The following YBX2 variants were observed in gnomAD, a reference collection of about 807,000 sequenced individuals.
YBX2 encodes Y-box-binding protein 2.
Under a neutral mutation model 44.4 loss-of-function variants are expected in YBX2, and 5 were observed. The observed-to-expected ratio is 0.11, with a 90% CI of 0.06 to 0.24. The LOEUF is 0.24. YBX2 is among the 10% of genes least tolerant of loss of function. The probability of loss-of-function intolerance (pLI) is 1.00; values close to 1 mark genes in which losing one functional copy is unlikely to be tolerated. For synonymous variants in YBX2, 188 were observed against 216.1 expected, an observed-to-expected ratio of 0.87 and a Z score of 1.14; for missense variants, 417 against 526.9, an observed-to-expected ratio of 0.79 and a Z score of 2.04.
At chr17:7,289,836 C>T (rs1255899253) in intron 6 of YBX2, 111 bp from the exon 7 acceptor site, 2 of 1,587,146 alleles carry the variant, frequency 1.3e-6, no homozygotes, top group South Asian at 1.1e-5. Context: ...ATGAGCACTG[C>T]CTCCCCGCAA....
chr17:7,288,492 G>A lies in YBX2; in HGVS notation c.*191C>T, dbSNP rs977801497. 40 of 371,540 alleles carry A rather than the reference G, an allele frequency of 1.1e-4. No homozygotes were observed. The highest frequency in any genetic ancestry group is 7.0e-4 in the African/African-American group (34 of 48,250). The allele number at this position is 371,540 out of a possible 1,614,324, so 23.0% of individuals were successfully genotyped here. On this transcript the variant is annotated 3_prime_UTR_variant, in exon 9 of 9. Coordinates refer to ENST00000007699, the MANE Select transcript of YBX2 (RefSeq NM_015982.4). ...TCCTTCAACCCTTGATAAGGGGAGGGAAGAAAAAAGAAAAAGCAAAAGGCT... is the reference window on the plus strand; with the variant it reads ...TCCTTCAACCCTTGATAAGGGGAGGAAAGAAAAAAGAAAAAGCAAAAGGCT...
At position 7,291,334 on chromosome 17, in the gene YBX2, G is replaced by A; in HGVS notation, c.370-152C>T. ...GCAAGGAGGTGGTCAAAGTTTAGCA[G>A]GGGAAAAGTCCTGAACTCAGGGCCT... On this transcript the variant is annotated intron_variant, in intron 3 of 8. Coordinates refer to ENST00000007699, the MANE Select transcript of YBX2 (RefSeq NM_015982.4). This position sits in a 1 kb window ranked among gnomAD's most constrained non-coding sequence, Gnocchi z 5.8. 1.3e-6 allele frequency: 1 copy of A among 759,290 alleles called. No homozygotes were observed. The highest frequency in any genetic ancestry group is 2.0e-5 in the Admixed American group (1 of 48,934). The allele number at this position is 759,290 out of a possible 1,614,324, so 47.0% of individuals were successfully genotyped here. A position where few individuals can be genotyped will look rare whatever the true frequency, so the allele number is the denominator to read the frequency against.
Position 7,291,268 on chromosome 17 carries a change from T to G in YBX2, c.370-86A>C. ...TGCTGGGGCCACCACCCAATTTCAT[T>G]CTTTCAACATTTGACTTGGGGTCTA... On this transcript the variant is annotated intron_variant, in intron 3 of 8. Coordinates refer to ENST00000007699, the MANE Select transcript of YBX2 (RefSeq NM_015982.4). The surrounding 1 kb of genome is among the most constrained non-coding windows in gnomAD (Gnocchi z 5.8). 7.5e-7 allele frequency: 1 copy of G among 1,331,726 alleles called. No homozygotes were observed. Among genetic ancestry groups the G allele is most frequent in the Non-Finnish European group, 1.1e-6 (1 of 932,116 alleles). 82.5% of individuals were successfully genotyped at this position (1,331,726 alleles called of 1,614,324 possible).
In YBX2 at chr17:7,294,262, G is replaced by A; in HGVS notation, c.239C>T (p.Pro80Leu). ...CGGCTTGTCCGCCTGACTCCGGGCC[G>A]GGGGGGCGGGGGTTCCCGAGACCGC... ...ATAVSGTPAP[P>L]ARSQADKPVL... The change falls in exon 1 of 9, where the codon CCG (proline) becomes CTG (leucine). Residue 80 changes from proline (P) to leucine (L), a missense_variant. Physicochemically the swap from Pro to Leu is moderately conservative, Grantham distance 98. Around this residue, in one of 3 missense-constraint regions of YBX2, gnomAD observed 121 missense variants for 141.3 expected, o/e 0.86. Coordinates refer to ENST00000007699, the MANE Select transcript of YBX2 (RefSeq NM_015982.4). This position sits in a 1 kb window ranked among gnomAD's most constrained non-coding sequence, Gnocchi z 4.6. 7.9e-7 allele frequency: 1 copy of A among 1,269,536 alleles called. No individual in the cohort carries two copies. The allele number at this position is 1,269,536 out of a possible 1,614,324, so 78.6% of individuals were successfully genotyped here.
intron 5 of YBX2, 86 bp downstream of exon 5, chr17:7,290,165 T>C (rs555945765): frequency 6.2e-7 from 1 of 1,611,622 alleles, no homozygotes; most frequent in African/African-American, 1.3e-5. Context: ...AGTTCCTCCT[T>C]CTTTGGGGAC....
At position 7,290,588 on chromosome 17, in the gene YBX2, T is replaced by C. The variant is rs2072494919; in HGVS notation, c.460-53A>G. 3.8e-6 allele frequency: 6 copies of C among 1,585,932 alleles called. No individual in the cohort carries two copies. In the East Asian group the frequency reaches 1.1e-4, roughly 30 times the overall value. ...AACCTGCTCCAACAGCCAATGTGCA[T>C]TTCCCAACTTGCTTCCCCTTCTTTC... On this transcript the variant is annotated intron_variant, in intron 4 of 8. Coordinates refer to ENST00000007699, the MANE Select transcript of YBX2 (RefSeq NM_015982.4).
At chr17:7,292,173 C>A in intron 2 of YBX2, 114 bp from the exon 3 acceptor site, 1 of 1,237,456 alleles carries the variant, frequency 8.1e-7, no homozygotes. Flanking sequence ...CTCCAGCATT[C>A]CAGTTAGGGG....
At position 7,290,021 on chromosome 17, in the gene YBX2, T is replaced by C. The variant is rs1313657754; in HGVS notation, c.795A>G (p.Gln265=). Residue 265 remains glutamine, a synonymous_variant, in exon 6 of 9, where the codon CAA becomes CAG. Transcript: ENST00000007699. The part of the protein sequence containing the change: ...PKETAPLEGH[Q]QQGDERVPPP... ...GGGGGACTCGCTCATCTCCCTGCTG[T>C]TGGTGCCCCTCCAATGGGGCTGTCT... 3 of 1,614,136 alleles carry C rather than the reference T, an allele frequency of 1.9e-6. No homozygotes were observed. Among genetic ancestry groups the C allele is most frequent in the African/African-American group, 1.3e-5 (1 of 74,960 alleles).
intron 7 of YBX2, 130 bp downstream of exon 7, chr17:7,289,400 G>T: frequency 7.1e-7 from 1 of 1,406,374 alleles, no homozygotes; most frequent in Non-Finnish European, 9.5e-7. Flanking sequence ...AGGCTGCATG[G>T]AAGAGGGTGG....
chr17:7,290,285 C>T lies in YBX2; in HGVS notation c.710G>A (p.Gly237Asp), dbSNP rs140175313. The change falls in exon 5 of 9, where the codon GGC becomes GAC. Residue 237 changes from glycine to aspartate, a missense_variant. By Grantham distance (94) the Gly-to-Asp change is moderately conservative. Coordinates refer to ENST00000007699, the MANE Select transcript of YBX2 (RefSeq NM_015982.4). ...CTGCTGCTGGTTGGGAGGCCGGGGG[C>T]CTCGCACAAACCGCCGTCGGTAGAA... ...PFFYRRRFVR[G>D]PRPPNQQQPI... 6 of 1,613,138 alleles carry T rather than the reference C, an allele frequency of 3.7e-6. No individual in the cohort carries two copies. In the African/African-American group the frequency reaches 8.0e-5, roughly 22 times the overall value.
chr17:7,289,990 T>C lies in YBX2; in HGVS notation c.826A>G (p.Arg276Gly). ...TACCTTCGGTACCTGGGCCGGAATC[T>C]GGGCGGGGGGACTCGCTCATCTCCC... ...QQGDERVPPP[R>G]FRPRYRRPFR... is the part of the protein sequence containing the mutation. Residue 276 changes from arginine to glycine, a missense_variant, in exon 6 of 9, where the codon AGA becomes GGA. Physicochemically the swap from Arg to Gly is moderately radical, Grantham distance 125. Coordinates refer to ENST00000007699, the MANE Select transcript of YBX2 (RefSeq NM_015982.4). 6.2e-7 allele frequency: 1 copy of C among 1,614,236 alleles called. No individual in the cohort carries two copies. Among genetic ancestry groups the C allele is most frequent in the Non-Finnish European group, 8.5e-7 (1 of 1,180,032 alleles).
intron 2 of YBX2, chr17:7,293,131 G>A (rs2072513755): frequency 2.8e-6 from 1 of 355,634 alleles, no homozygotes; most frequent in South Asian, 2.7e-5. Flanking sequence ...TCCAGCCGGG[G>A]GCCCTGAGGC....
At chr17:7,293,154 A>G (rs2072513938) in intron 2 of YBX2, 1 of 430,826 alleles carries the variant, frequency 2.3e-6, no homozygotes, top group Admixed American at 3.5e-5. Flanking sequence ...AGAGAACCCT[A>G]TAATACATTC....
At position 7,291,887 on chromosome 17, in the gene YBX2, G is replaced by T; in HGVS notation, c.369+139C>A. 9.2e-7 allele frequency: 1 copy of T among 1,088,212 alleles called. No homozygotes were observed. Among genetic ancestry groups the T allele is most frequent in the Non-Finnish European group, 1.4e-6 (1 of 714,686 alleles). The allele number at this position is 1,088,212 out of a possible 1,614,324, so 67.4% of individuals were successfully genotyped here. ...CCCAGCACAAGTGCGGCTAATGGTG[G>T]TTGACACAGGCACCCAAGGCGGATG... is the stretch of plus-strand genomic sequence containing the variant. On this transcript the variant is annotated intron_variant, in intron 3 of 8. Coordinates refer to ENST00000007699, the MANE Select transcript of YBX2 (RefSeq NM_015982.4). The surrounding 1 kb of genome is among the most constrained non-coding windows in gnomAD (Gnocchi z 5.8).
At position 7,288,611 on chromosome 17, in the gene YBX2, G is replaced by T; in HGVS notation, c.*72C>A. ...GAAAGGGGGAGCAGGGTACTGGGTA[G>T]GGTACAGGTCATTTGGAAAAACTGG... On this transcript the variant is annotated 3_prime_UTR_variant, in exon 9 of 9. Transcript: ENST00000007699. 1 of 667,536 alleles carries T rather than the reference G, an allele frequency of 1.5e-6. No individual in the cohort carries two copies. Among genetic ancestry groups the T allele is most frequent in the Non-Finnish European group, 2.6e-6 (1 of 377,386 alleles). The allele number at this position is 667,536 out of a possible 1,614,324, so 41.4% of individuals were successfully genotyped here.
In YBX2 at chr17:7,294,171, C is replaced by G. The variant is rs937767641; in HGVS notation, c.271+59G>C. On this transcript the variant is annotated intron_variant, in intron 1 of 8. Coordinates refer to ENST00000007699, the MANE Select transcript of YBX2 (RefSeq NM_015982.4). The surrounding 1 kb of genome is among the most constrained non-coding windows in gnomAD (Gnocchi z 4.6). Reference sequence around the variant, plus strand: ...TTTCCGGATCCTGCCGGGCTCCACACTGCCCCTCCCCCAGCCCGCCGACCC... The same window carrying G: ...TTTCCGGATCCTGCCGGGCTCCACAGTGCCCCTCCCCCAGCCCGCCGACCC... 2 of 1,243,216 alleles carry G rather than the reference C, an allele frequency of 1.6e-6. No individual in the cohort carries two copies. The allele number at this position is 1,243,216 out of a possible 1,614,324, so 77.0% of individuals were successfully genotyped here.
chr17:7,290,974 C>T (rs777897461), intron 4 of YBX2, 119 bp downstream of exon 4: 1 of 979,348 alleles, frequency 1.0e-6, no homozygotes, highest in Non-Finnish European at 1.7e-6. Context: ...TGAGAGAACA[C>T]AGTCCCATTC....
Position 7,289,570 on chromosome 17 carries a change from G to C in YBX2, c.1004C>G (p.Pro335Arg), listed in dbSNP as rs772924252. Residue 335 changes from proline to arginine, a missense_variant, in exon 7 of 9, where the codon CCC (proline) becomes CGC (arginine). Around this residue, in one of 3 missense-constraint regions of YBX2, gnomAD observed 257 missense variants for 261.7 expected, o/e 0.98. Coordinates refer to ENST00000007699, the MANE Select transcript of YBX2 (RefSeq NM_015982.4). ...CTGCCGGGGGCCAGGGGCCTGCTGG[G>C]GGCCAGGGGCCTGCTGCCGTCTCCG... ...FQRRRQQAPG[P>R]QQAPGPRQPA... The C allele has an allele frequency of 6.2e-7, 1 of 1,610,122 alleles. No individual in the cohort carries two copies. Among genetic ancestry groups the C allele is most frequent in the South Asian group, 1.1e-5 (1 of 90,846 alleles).
In YBX2 at chr17:7,294,566, A is replaced by G; in HGVS notation, c.-66T>C. The G allele has an allele frequency of 7.6e-7, 1 of 1,312,582 alleles. No individual in the cohort carries two copies. The highest frequency in any genetic ancestry group is 9.7e-7 in the Non-Finnish European group (1 of 1,034,438). 81.3% of individuals were successfully genotyped at this position (1,312,582 alleles called of 1,614,324 possible). A position where few individuals can be genotyped will look rare whatever the true frequency, so the allele number is the denominator to read the frequency against. ...GCCCCTCCCCCCGGCTCGCGAACCC[A>G]CCGCCCTGCTCGGTCCTCGCGCCCC... On this transcript the variant is annotated 5_prime_UTR_variant, in exon 1 of 9. Coordinates refer to ENST00000007699, the MANE Select transcript of YBX2 (RefSeq NM_015982.4). The surrounding 1 kb of genome is among the most constrained non-coding windows in gnomAD (Gnocchi z 4.6).
Sources: allele counts gnomAD v4.1 joint callset, GRCh38; gene constraint gnomAD v4.1.1; regional missense constraint gnomAD v4.1.1; non-coding constraint Gnocchi (gnomAD v3.1); transcripts MANE v1.5; gene names NCBI Gene and HGNC (gene_info 2026-07-23, HGNC 2026-07-21).